The following EYS variants were observed in gnomAD, a reference collection of about 807,000 sequenced individuals.
EYS encodes EGF-like photoreceptor maintenance factor, also known as protein eyes shut homolog.
A neutral mutation model predicts 282.1 loss-of-function variants in EYS; 250 were observed. The observed-to-expected ratio is 0.89, with a 90% confidence interval of 0.80 to 0.98. The LOEUF (loss-of-function observed/expected upper bound fraction) is 0.98, where lower values mean the gene tolerates loss of function less well. Ranked by LOEUF, EYS falls within the 50% of genes least tolerant of loss-of-function variation. The pLI, the probability that EYS is intolerant of heterozygous loss-of-function variation, is 0.00. For missense variants in EYS, 4,016 were observed against 3,709.0 expected, an observed-to-expected ratio of 1.08 and a Z score of -2.15; for synonymous variants, 1,355 against 1,282.9, an observed-to-expected ratio of 1.06 and a Z score of -1.20.
intron 12 of EYS, among the ~76,000 whole-genome samples, chr6:65,111,291 T>C (rs1775205954): frequency 6.6e-6 from 1 of 152,050 alleles, no homozygotes; most frequent in Non-Finnish European, 1.5e-5. Flanking sequence ...TAATTTACCA[T>C]TATTATTTCT....
intron 28 of EYS, among the ~76,000 whole-genome samples, chr6:64,410,500 CT>C (rs1348980016): frequency 6.6e-6 from 1 of 152,072 alleles, no homozygotes; most frequent in East Asian, 1.9e-4. Flanking sequence ...CTAATAATCA[CT>C]GCCATTGAAA....
chr6:65,487,521 A>G (rs903414461), intron 5 of EYS, among the ~76,000 whole-genome samples: 3 of 152,182 alleles, frequency 2.0e-5, no homozygotes, highest in African/African-American at 7.2e-5. Flanking sequence ...TCAGGTATGA[A>G]GCCGACTTGA....
At chr6:64,552,452 GT>G (rs1171555827) in intron 26 of EYS, among the ~76,000 whole-genome samples, 1 of 152,084 alleles carries the variant, frequency 6.6e-6, no homozygotes, top group Non-Finnish European at 1.5e-5. Context: ...ACCTGTTAAA[GT>G]TTGACAAGAA....
intron 22 of EYS, among the ~76,000 whole-genome samples, chr6:64,771,262 A>C (rs536264914): frequency 6.6e-6 from 1 of 151,178 alleles, no homozygotes; most frequent in South Asian, 2.1e-4. Flanking sequence ...AGTATTTGTG[A>C]TTCTCCTCTT....
rs142158784 is a variant in EYS at position 65,065,780 on chromosome 6, G to A, written c.2024-8053C>T. On this transcript the variant is annotated intron_variant, in intron 12 of 42. Coordinates refer to ENST00000503581, the MANE Select transcript of EYS (RefSeq NM_001142800.2). ...ACATGCCTAGGAAACTTTTATAACT[G>A]GCAGTTGGCCTTGTAAATTAATACG... is the stretch of plus-strand genomic sequence containing the variant. Among the ~76,000 whole-genome samples, 99 of 152,196 alleles carry A rather than the reference G, an allele frequency of 6.5e-4. No homozygotes were observed. In the East Asian group the frequency reaches 0.016, roughly 25 times the overall value.
intron 31 of EYS, among the ~76,000 whole-genome samples, chr6:64,143,356 T>TAAAAAAAAAAAAAAAAAAAAAA (rs60699526): frequency 1.1e-5 from 1 of 89,802 alleles, no homozygotes; most frequent in African/African-American, 3.9e-5. Flanking sequence ...TCATTTATTG[T>TAAAAAAAAAAAAAAAAAAAAAA]AAAAAAAAAA....
At chr6:65,365,658 T>C (rs944126576) in intron 8 of EYS, among the ~76,000 whole-genome samples, 1 of 151,682 alleles carries the variant, frequency 6.6e-6, no homozygotes, top group African/African-American at 2.4e-5. Flanking sequence ...TGTAATGTTT[T>C]TGATATTCTT....
chr6:65,370,103 T>A (rs1181026809), intron 8 of EYS, among the ~76,000 whole-genome samples: 1 of 151,210 alleles, frequency 6.6e-6, no homozygotes, highest in African/African-American at 2.4e-5. Flanking sequence ...TAGATCAGCA[T>A]AGCATGAATT....
intron 12 of EYS, among the ~76,000 whole-genome samples, chr6:65,094,317 G>GAAAAAAAAAAAAAAAAAA (rs35028634): frequency 1.4e-5 from 1 of 73,814 alleles, no homozygotes. Flanking sequence ...ATATCTTAAC[G>GAAAAAAAAAAAAAAAAAA]AAAAAAAAAA....
intron 12 of EYS, among the ~76,000 whole-genome samples, chr6:65,274,423 T>C (rs1017948939): frequency 2.0e-4 from 31 of 152,330 alleles, no homozygotes; most frequent in African/African-American, 7.5e-4. Context: ...CAATTGCAGC[T>C]GCTGTACAAG....
chr6:64,024,787 C>T (rs1298326384), intron 33 of EYS, among the ~76,000 whole-genome samples: 2 of 152,108 alleles, frequency 1.3e-5, no homozygotes, highest in African/African-American at 4.8e-5. Flanking sequence ...CCAGCGAGAT[C>T]ACGAACCCAC....
intron 12 of EYS, among the ~76,000 whole-genome samples, chr6:65,229,544 G>T (rs1208454887): frequency 6.6e-6 from 1 of 151,770 alleles, no homozygotes; most frequent in African/African-American, 2.4e-5. Flanking sequence ...GCAGAATCCG[G>T]AGCCCTTTCG....
chr6:65,493,340 A>T (rs1396241096), intron 4 of EYS, among the ~76,000 whole-genome samples: 1 of 152,170 alleles, frequency 6.6e-6, no homozygotes, highest in African/African-American at 2.4e-5. Flanking sequence ...CCTGCAGGTG[A>T]TCTGCTCTAG....
intron 29 of EYS, among the ~76,000 whole-genome samples, chr6:64,331,951 A>G (rs754982891): frequency 3.3e-5 from 5 of 152,216 alleles, no homozygotes; most frequent in Non-Finnish European, 7.4e-5. Context: ...GATCTTACTA[A>G]AGGACATTAT....
At chr6:64,040,743 G>T (rs1770351472) in intron 33 of EYS, among the ~76,000 whole-genome samples, 1 of 152,192 alleles carries the variant, frequency 6.6e-6, no homozygotes, top group Admixed American at 6.5e-5. Flanking sequence ...CAGTGACAAA[G>T]TTGAGTAGTT....
intron 2 of EYS, among the ~76,000 whole-genome samples, chr6:65,585,476 TG>T (rs1162896051): frequency 6.6e-6 from 1 of 151,922 alleles, no homozygotes; most frequent in Non-Finnish European, 1.5e-5. Flanking sequence ...TAATCAAAAA[TG>T]TACATTAAAA....
intron 22 of EYS, among the ~76,000 whole-genome samples, chr6:64,698,236 G>T (rs1770654556): frequency 1.3e-5 from 2 of 151,890 alleles, no homozygotes; most frequent in South Asian, 4.2e-4. Context: ...GAAAGAAATA[G>T]ATTATAAATT....
intron 28 of EYS, among the ~76,000 whole-genome samples, chr6:64,414,606 T>C (rs538432323): frequency 1.3e-5 from 2 of 152,186 alleles, no homozygotes; most frequent in South Asian, 4.1e-4. Flanking sequence ...ATAAGCATAA[T>C]AAAATTATGC....
At chr6:64,744,737 T>C (rs1772497038) in intron 22 of EYS, among the ~76,000 whole-genome samples, 2 of 152,100 alleles carry the variant, frequency 1.3e-5, no homozygotes, top group Non-Finnish European at 2.9e-5. Flanking sequence ...AGAAATAAAA[T>C]ATGATTGAGA....
Sources: gnomAD v4.1 joint callset for allele counts (sites outside exome capture counted in the v4.1 genomes callset) on GRCh38, gnomAD v4.1.1 for gene constraint, MANE v1.5 for transcripts, NCBI Gene and HGNC (gene_info 2026-07-23, HGNC 2026-07-21) for gene names.